MAGI2: variants seen among roughly 807,000 people sequenced by gnomAD.
MAGI2 encodes membrane associated guanylate kinase, WW and PDZ domain containing 2.
MAGI2 carries 35 observed loss-of-function variants against 133.3 expected under a neutral mutation model. That is an observed-to-expected ratio of 0.26 (90% CI 0.20 to 0.35). MAGI2 has a LOEUF of 0.35. MAGI2 is among the 10% of genes least tolerant of loss of function. The pLI is 1.00. For synonymous variants in MAGI2, 729 were observed against 710.6 expected, an observed-to-expected ratio of 1.03 and a Z score of -0.41; for missense variants, 1,636 against 1,863.4, an observed-to-expected ratio of 0.88 and a Z score of 2.25.
chr7:79,355,791 C>G (rs1841983388), intron 1 of MAGI2, among the ~76,000 whole-genome samples: 1 of 152,124 alleles, frequency 6.6e-6, no homozygotes, highest in Non-Finnish European at 1.5e-5. Flanking sequence ...TCTTTGTGAA[C>G]TAATTAGTTA....
chr7:78,286,780 A>G (rs1205141478), intron 9 of MAGI2, among the ~76,000 whole-genome samples: 1 of 152,174 alleles, frequency 6.6e-6, no homozygotes, highest in Admixed American at 6.6e-5. Context: ...GGAAGGCTTC[A>G]TGGTCTCAGA....
At chr7:78,363,269 G>A (rs774940834) in intron 7 of MAGI2, among the ~76,000 whole-genome samples, 1 of 152,092 alleles carries the variant, frequency 6.6e-6, no homozygotes, top group African/African-American at 2.4e-5. Flanking sequence ...CGAGGTGGGC[G>A]GATCACGAGG....
chr7:78,290,350 A>C (rs556163405), intron 9 of MAGI2, among the ~76,000 whole-genome samples: 18 of 152,322 alleles, frequency 1.2e-4, no homozygotes, highest in African/African-American at 4.1e-4. Context: ...GAGACAAAGA[A>C]GGGCATTACA....
intron 3 of MAGI2, among the ~76,000 whole-genome samples, chr7:78,610,207 T>A (rs913860289): frequency 1.3e-5 from 2 of 152,258 alleles, no homozygotes; most frequent in East Asian, 1.9e-4. Flanking sequence ...TGTCACCTAG[T>A]TGGATTGTAA....
At chr7:78,206,785 G>T (rs1257708137) in intron 10 of MAGI2, among the ~76,000 whole-genome samples, 2 of 152,180 alleles carry the variant, frequency 1.3e-5, no homozygotes, top group Non-Finnish European at 2.9e-5. Flanking sequence ...GTATTTCATA[G>T]GGGATTCTGC....
intron 2 of MAGI2, among the ~76,000 whole-genome samples, chr7:78,715,116 T>C (rs1379808954): frequency 6.6e-6 from 1 of 152,218 alleles, no homozygotes; most frequent in Non-Finnish European, 1.5e-5. Flanking sequence ...CAAATGGGAA[T>C]TGATTTGCTT....
intron 1 of MAGI2, among the ~76,000 whole-genome samples, chr7:79,432,387 A>G (rs1315429517): frequency 6.6e-6 from 1 of 152,198 alleles, no homozygotes; most frequent in African/African-American, 2.4e-5. Context: ...ACCCACAAGC[A>G]AAGTGTGAGA....
At chr7:78,215,126 T>C (rs1788139101) in intron 10 of MAGI2, among the ~76,000 whole-genome samples, 1 of 152,162 alleles carries the variant, frequency 6.6e-6, no homozygotes, top group Non-Finnish European at 1.5e-5. Flanking sequence ...CTTGGGTGAC[T>C]CTACGAAGCA....
At chr7:79,258,850 C>G (rs1287962659) in intron 1 of MAGI2, among the ~76,000 whole-genome samples, 1 of 152,176 alleles carries the variant, frequency 6.6e-6, no homozygotes, top group South Asian at 2.1e-4. Flanking sequence ...AGTGCAAGTG[C>G]AAAGATCTTA....
chr7:78,122,209 G>A (rs1434503784), intron 20 of MAGI2, among the ~76,000 whole-genome samples: 1 of 152,094 alleles, frequency 6.6e-6, no homozygotes, highest in Non-Finnish European at 1.5e-5. Context: ...TGGGTTCATG[G>A]GTCCTTGAAT....
intron 9 of MAGI2, among the ~76,000 whole-genome samples, chr7:78,318,442 C>T (rs1160948363): frequency 6.6e-6 from 1 of 151,974 alleles, no homozygotes; most frequent in African/African-American, 2.4e-5. Flanking sequence ...CGAAAAGGAA[C>T]AACGATTCCA....
intron 14 of MAGI2, among the ~76,000 whole-genome samples, chr7:78,176,908 GAC>G (rs200781303): frequency 0.034 from 4,385 of 130,402 alleles, 96 homozygotes; most frequent in African/African-American, 0.064. Context: ...ACCATATATA[GAC>G]ACACACACAC....
chr7:78,039,192 G>A (rs1015279058), intron 21 of MAGI2, among the ~76,000 whole-genome samples: 1 of 152,160 alleles, frequency 6.6e-6, no homozygotes, highest in Non-Finnish European at 1.5e-5. Context: ...TAAGCTGAGG[G>A]AAGAATTGAA....
chr7:79,175,395 C>A (rs768474214), intron 1 of MAGI2, among the ~76,000 whole-genome samples: 1 of 151,794 alleles, frequency 6.6e-6, no homozygotes, highest in Admixed American at 6.6e-5. Flanking sequence ...CTCTCTGTTG[C>A]CCCCTTCCCA....
intron 2 of MAGI2, among the ~76,000 whole-genome samples, chr7:78,645,601 C>T (rs1205315638): frequency 1.3e-5 from 2 of 150,972 alleles, no homozygotes; most frequent in Non-Finnish European, 3.0e-5. Context: ...TCTAATCCTA[C>T]TAAAAACTCT....
chr7:78,727,873 G>A (rs1392774307), intron 2 of MAGI2, among the ~76,000 whole-genome samples: 2 of 152,136 alleles, frequency 1.3e-5, no homozygotes, highest in Non-Finnish European at 2.9e-5. Flanking sequence ...ATACAGCTGA[G>A]AACAAAACCA....
At chr7:78,212,263 G>T (rs760177775) in intron 10 of MAGI2, among the ~76,000 whole-genome samples, 1 of 152,160 alleles carries the variant, frequency 6.6e-6, no homozygotes, top group Non-Finnish European at 1.5e-5. Flanking sequence ...CAAAACCTGC[G>T]TGTAGGCTAC....
chr7:78,036,711 G>A (rs1242883681), intron 21 of MAGI2, among the ~76,000 whole-genome samples: 1 of 152,044 alleles, frequency 6.6e-6, no homozygotes, highest in Non-Finnish European at 1.5e-5. Context: ...CAATCTCCTG[G>A]GCTCAAGCAG....
chr7:79,158,152 G>C (rs1824001411), intron 1 of MAGI2, among the ~76,000 whole-genome samples: 1 of 151,886 alleles, frequency 6.6e-6, no homozygotes, highest in Non-Finnish European at 1.5e-5. Context: ...CTATTTAGCT[G>C]ACAATTGCCT....
Sources: allele counts gnomAD v4.1 joint callset (sites outside exome capture counted in the v4.1 genomes callset), GRCh38; gene constraint gnomAD v4.1.1; transcripts MANE v1.5; gene names NCBI Gene and HGNC (gene_info 2026-07-23, HGNC 2026-07-21).